Variants in OCLN observed in about 807,000 individuals in gnomAD.
The protein encoded by OCLN is phosphatase 1, regulatory subunit 115.
A neutral mutation model predicts 47.9 loss-of-function variants in OCLN; 21 were observed. The observed-to-expected ratio is 0.44, with a 90% CI of 0.31 to 0.63. OCLN has a LOEUF of 0.63. Among genes scored for constraint, OCLN ranks in the 30% least tolerant of loss-of-function variants. OCLN has a pLI of 0.08. For missense variants in OCLN, 360 were observed against 571.0 expected (o/e 0.63, Z 3.77); for synonymous variants, 117 against 198.4 (o/e 0.59, Z 3.45).
intron 1 of OCLN, among the ~76,000 whole-genome samples, chr5:69,500,014 T>C (rs1230132221): frequency 6.6e-6 from 1 of 152,238 alleles, no homozygotes; most frequent in African/African-American, 2.4e-5. Context: ...CACTAGGTTG[T>C]TTCAAACTCA....
At chr5:69,549,059 G>A (rs1206397278) in intron 7 of OCLN, among the ~76,000 whole-genome samples, 6 of 149,652 alleles carry the variant, frequency 4.0e-5, no homozygotes, top group South Asian at 2.1e-4. Flanking sequence ...GGCCGGGCAC[G>A]GTGGCTAATG....
chr5:69,496,973 A>G (rs573161585), intron 1 of OCLN, among the ~76,000 whole-genome samples: 1 of 152,098 alleles, frequency 6.6e-6, no homozygotes, highest in South Asian at 2.1e-4. Context: ...TTCACTCAAC[A>G]CATGTACAGA....
intron 4 of OCLN, among the ~76,000 whole-genome samples, chr5:69,521,194 G>A (rs558088610): frequency 3.9e-5 from 6 of 152,308 alleles, no homozygotes; most frequent in Admixed American, 3.3e-4. Flanking sequence ...GGATCATAAT[G>A]TACACGTTGT....
At chr5:69,522,836 C>T (rs1291163385) in intron 4 of OCLN, among the ~76,000 whole-genome samples, 1 of 151,484 alleles carries the variant, frequency 6.6e-6, no homozygotes, top group Non-Finnish European at 1.5e-5. Flanking sequence ...AAGCAGTCCT[C>T]CCACCTCAGC....
intron 3 of OCLN, among the ~76,000 whole-genome samples, 189 bp from the exon 4 acceptor site, chr5:69,513,759 G>C (rs537385629): frequency 1.9e-4 from 29 of 152,254 alleles, no homozygotes; most frequent in African/African-American, 6.0e-4. Flanking sequence ...GCTGGCCTTA[G>C]CCCAGTTAGT....
intron 1 of OCLN, among the ~76,000 whole-genome samples, chr5:69,498,390 A>T (rs2111934189): frequency 6.6e-6 from 1 of 152,046 alleles, no homozygotes; most frequent in South Asian, 2.1e-4. Flanking sequence ...GCTACTCAGG[A>T]GGCTGAGGTG....
intron 1 of OCLN, among the ~76,000 whole-genome samples, chr5:69,499,593 CTT>C (rs1182766634): frequency 6.7e-6 from 1 of 148,400 alleles, no homozygotes; most frequent in Non-Finnish European, 1.5e-5. Context: ...TTTTTTCTTT[CTT>C]TTTTTTTTGA....
chr5:69,515,593 C>T, intron 4 of OCLN, among the ~76,000 whole-genome samples: 1 of 151,192 alleles, frequency 6.6e-6, no homozygotes, highest in African/African-American at 2.4e-5. Context: ...GGGCTGACCC[C>T]CCCACCTCCC....
Position 69,509,633 on chromosome 5 carries a change from C to G in OCLN, c.543C>G (p.Ile181Met). 1 of 1,614,204 alleles carries G rather than the reference C, an allele frequency of 6.2e-7. No homozygotes were observed. Among genetic ancestry groups the G allele is most frequent in the Non-Finnish European group, 8.5e-7 (1 of 1,180,024 alleles). The change falls in exon 3 of 9, where the codon ATC becomes ATG. Residue 181 changes from isoleucine (I) to methionine (M), a missense_variant. Physicochemically the swap from Ile to Met is conservative, Grantham distance 10 (BLOSUM62 1). Around this residue, in one of 3 missense-constraint regions of OCLN, gnomAD observed 314 missense variants for 368.1 expected, o/e 0.85. Transcript: ENST00000396442. The stretch of plus-strand genomic sequence containing the variant: ...TAAGTGTGATAATAGTGAGTGCTAT[C>G]CTGGGCATCATGGTGTTTATTGCCA... Reference protein sequence around the residue: ...YYLSVIIVSAILGIMVFIATI... With the variant: ...YYLSVIIVSAMLGIMVFIATI...
intron 4 of OCLN, among the ~76,000 whole-genome samples, chr5:69,533,850 C>T (rs980927548): frequency 5.9e-5 from 9 of 152,040 alleles, no homozygotes; most frequent in African/African-American, 9.7e-5. Flanking sequence ...TTAGTAGAAA[C>T]GGGGTTTCGC....
At chr5:69,501,020 G>A (rs1768444429) in intron 1 of OCLN, among the ~76,000 whole-genome samples, 2 of 151,966 alleles carry the variant, frequency 1.3e-5, no homozygotes, top group African/African-American at 2.4e-5. Context: ...GGGCTCAAGC[G>A]ATTCTCATGC....
At chr5:69,532,573 G>GT (rs1250833321) in intron 4 of OCLN, among the ~76,000 whole-genome samples, 5 of 151,944 alleles carry the variant, frequency 3.3e-5, no homozygotes, top group African/African-American at 1.2e-4. Context: ...GAGGTCTTTG[G>GT]TTTTTTTCCA....
At chr5:69,496,883 C>A (rs541272620) in intron 1 of OCLN, among the ~76,000 whole-genome samples, 5 of 152,322 alleles carry the variant, frequency 3.3e-5, no homozygotes, top group African/African-American at 1.2e-4. Flanking sequence ...TCTAATTTAG[C>A]TGTCTGACTT....
intron 4 of OCLN, among the ~76,000 whole-genome samples, chr5:69,532,689 C>G (rs556901438): frequency 6.6e-6 from 1 of 151,884 alleles, no homozygotes; most frequent in African/African-American, 2.4e-5. Flanking sequence ...TAACAGTGGC[C>G]GGGCGTGGTG....
intron 2 of OCLN, among the ~76,000 whole-genome samples, chr5:69,508,337 C>T (rs1768665704): frequency 6.6e-6 from 1 of 152,016 alleles, no homozygotes; most frequent in African/African-American, 2.4e-5. Flanking sequence ...TCAGTTTGGA[C>T]TAGCCACATT....
In OCLN at chr5:69,553,803, A is replaced by G; in HGVS notation, c.*132A>G. 1 of 1,449,686 alleles carries G rather than the reference A, an allele frequency of 6.9e-7. No individual in the cohort carries two copies. The allele number at this position is 1,449,686 out of a possible 1,614,324, so 89.8% of individuals were successfully genotyped here. A position where few individuals can be genotyped will look rare whatever the true frequency, so the allele number is the denominator to read the frequency against. On this transcript the variant is annotated 3_prime_UTR_variant, in exon 9 of 9. Coordinates refer to ENST00000396442, the MANE Select transcript of OCLN (RefSeq NM_001205254.2). Reference sequence around the variant, plus strand: ...GCATCACAAAGTTTTGGTTGCTTTAACATCATCAGTATTGAAGCATTTTAT... The same window carrying G: ...GCATCACAAAGTTTTGGTTGCTTTAGCATCATCAGTATTGAAGCATTTTAT...
intron 4 of OCLN, among the ~76,000 whole-genome samples, chr5:69,522,996 G>A (rs1769183292): frequency 6.7e-6 from 1 of 150,100 alleles, no homozygotes; most frequent in African/African-American, 2.5e-5. Context: ...CCAAACTGCT[G>A]GGATTACAGG....
intron 2 of OCLN, among the ~76,000 whole-genome samples, chr5:69,505,066 G>A (rs1279526301): frequency 6.6e-6 from 1 of 152,022 alleles, no homozygotes; most frequent in African/African-American, 2.4e-5. Flanking sequence ...CCTGACCAAC[G>A]TGGAGAAACC....
intron 4 of OCLN, among the ~76,000 whole-genome samples, chr5:69,514,814 C>T (rs1265329924): frequency 6.6e-6 from 1 of 152,174 alleles, no homozygotes; most frequent in Non-Finnish European, 1.5e-5. Context: ...GGACACAGCA[C>T]ATGTTTCAGA....
Sources: gnomAD v4.1 joint callset for allele counts (sites outside exome capture counted in the v4.1 genomes callset) on GRCh38, gnomAD v4.1.1 for gene constraint, gnomAD v4.1.1 regional missense constraint, MANE v1.5 for transcripts, NCBI Gene and HGNC (gene_info 2026-07-23, HGNC 2026-07-21) for gene names.